Variants in SH3D21 observed in about 807,000 individuals in gnomAD.
The protein encoded by SH3D21 is manchette microtubule inner protein 1, also known as SH3 domain-containing protein 21.
SH3D21 carries 83 observed loss-of-function variants against 82.1 expected under a neutral mutation model. The ratio of observed to expected loss-of-function variants is 1.01; its 90% CI spans 0.85 to 1.21. The LOEUF (loss-of-function observed/expected upper bound fraction) is 1.21, where lower values mean the gene tolerates loss of function less well. Ranked by LOEUF, SH3D21 falls within the 50% of genes most tolerant of loss-of-function variation. The probability of loss-of-function intolerance (pLI) is 0.00; values close to 1 mark genes in which losing one functional copy is unlikely to be tolerated. For synonymous variants in SH3D21, 383 were observed against 387.8 expected, an observed-to-expected ratio of 0.99 and a Z score of 0.15; for missense variants, 980 against 962.1, an observed-to-expected ratio of 1.02 and a Z score of -0.25.
intron 11 of SH3D21, 35 bp from the exon 12 acceptor site, chr1:36,319,225 C>T: frequency 6.4e-7 from 1 of 1,551,350 alleles, no homozygotes; most frequent in Non-Finnish European, 8.7e-7. Flanking sequence ...CCTCCCTGTG[C>T]CCCACCCTGA....
In SH3D21 at chr1:36,320,769, G is replaced by C; in HGVS notation, c.2106G>C (p.Arg702Ser). The change falls in exon 14 of 16, where the codon AGG becomes AGC. Residue 702 changes from arginine (R) to serine (S), a missense_variant. By Grantham distance (110) the Arg-to-Ser change is moderately radical. Transcript: ENST00000453908. ...SLRGEVESLR[R>S]ALELMEVQLE... is the part of the protein sequence containing the mutation. ...GGGGCGAGGTGGAGTCTCTAAGGAG[G>C]GCGCTGGAGCTGATGGAGGTGCAGC... 2 of 1,584,826 alleles carry C rather than the reference G, an allele frequency of 1.3e-6. No individual in the cohort carries two copies. Among genetic ancestry groups the C allele is most frequent in the South Asian group, 2.3e-5 (2 of 88,144 alleles).
chr1:36,327,299 G>A (rs1000056539), downstream of SH3D21, among the ~76,000 whole-genome samples: 7 of 152,250 alleles, frequency 4.6e-5, no homozygotes, highest in African/African-American at 1.7e-4. Flanking sequence ...TGCACAGGTA[G>A]CTTATTTATG....
intron 9 of SH3D21, 97 bp from the exon 10 acceptor site, chr1:36,309,451 G>A: frequency 1.4e-6 from 2 of 1,392,430 alleles, no homozygotes; most frequent in Non-Finnish European, 2.0e-6. Flanking sequence ...CTCCCAAAGT[G>A]CTGGGATTAT....
At position 36,319,695 on chromosome 1, in the gene SH3D21, G is replaced by A. The variant is rs774718021; in HGVS notation, c.1032G>A (p.Pro344=). 3.3e-5 allele frequency: 53 copies of A among 1,590,646 alleles called. No individual in the cohort carries two copies. The highest frequency in any genetic ancestry group is 4.4e-5 in the Non-Finnish European group (51 of 1,169,678). ...GGCAGGAGGAAGAGCACAGCAGCCC[G>A]GTAAAGGCCCCCTCTGTGAAGAGAA... The part of the protein sequence containing the change: ...VSSQEEEHSS[P]VKAPSVKRTP... The change falls in exon 14 of 16, where the codon CCG becomes CCA. Residue 344 remains proline (P), a synonymous_variant. Transcript: ENST00000453908.
At chr1:36,313,179 C>T (rs1031994575) in intron 10 of SH3D21, among the ~76,000 whole-genome samples, 1 of 152,048 alleles carries the variant, frequency 6.6e-6, no homozygotes, top group African/African-American at 2.4e-5. Flanking sequence ...AAAAAATTAG[C>T]CAGGCATGGT....
At chr1:36,308,299 G>T in intron 8 of SH3D21, 90 bp downstream of exon 8, 1 of 1,485,104 alleles carries the variant, frequency 6.7e-7, no homozygotes, top group Non-Finnish European at 9.2e-7. Flanking sequence ...TAAAATAAAC[G>T]TTGAAATTAT....
At chr1:36,328,487 T>C (rs1646565514), downstream of SH3D21, 3 of 289,430 alleles carry the variant, frequency 1.0e-5, no homozygotes, top group Non-Finnish European at 2.1e-5. Context: ...TGGACAATCA[T>C]AGGCCCAGTG....
chr1:36,328,189 TG>T (rs1557495528), downstream of SH3D21: 1 of 453,590 alleles, frequency 2.2e-6, no homozygotes, highest in South Asian at 1.6e-5. Context: ...GATGGAAGGT[TG>T]GGGGGCCGAG....
Position 36,306,701 on chromosome 1 carries a change from G to T in SH3D21, c.108G>T (p.Trp36Cys), listed in dbSNP as rs1266260812. Residue 36 changes from tryptophan to cysteine, a missense_variant, in exon 2 of 16, where the codon TGG becomes TGT. Physicochemically the swap from Trp to Cys is radical, Grantham distance 215. Transcript: ENST00000453908. The surrounding 1 kb of genome is among the most constrained non-coding windows in gnomAD (Gnocchi z 4.5). ...TGCGCTGGGTGCCCGCGCGGGGCTG[G>T]CTTCGCGGAGAGTTTGGGGGCCGCT... ...RQVRWVPARG[W>C]LRGEFGGRYG... is the part of the protein sequence containing the mutation. The T allele has an allele frequency of 7.7e-7, 1 of 1,294,384 alleles. No individual in the cohort carries two copies. 80.2% of individuals were successfully genotyped at this position (1,294,384 alleles called of 1,614,324 possible).
intron 10 of SH3D21, among the ~76,000 whole-genome samples, chr1:36,315,262 C>T (rs953273399): frequency 2.0e-5 from 3 of 151,314 alleles, no homozygotes; most frequent in East Asian, 2.0e-4. Flanking sequence ...GGTGACAGAG[C>T]GAGACTCTGT....
rs1222958954 is a variant in SH3D21, at chr1:36,306,854, A to G, written c.175A>G (p.Thr59Ala). 6 of 1,296,902 alleles carry G rather than the reference A, an allele frequency of 4.6e-6. No individual in the cohort carries two copies. Among genetic ancestry groups the G allele is most frequent in the Non-Finnish European group, 6.1e-6 (6 of 991,712 alleles). 80.3% of individuals were successfully genotyped at this position (1,296,902 alleles called of 1,614,324 possible). A position where few individuals can be genotyped will look rare whatever the true frequency, so the allele number is the denominator to read the frequency against. ...CCCTGATTCCCAGGAGATCCCAGAG[A>G]CCCTGCGGGGCTCCGGAGAGGCGCG... ...PERLVQEIPETLRGSGEARRP... is the reference protein window; with the variant it reads ...PERLVQEIPEALRGSGEARRP... The change falls in exon 3 of 16, where the codon ACC (threonine) becomes GCC (alanine). Residue 59 changes from threonine to alanine, a missense_variant. Transcript: ENST00000453908. The surrounding 1 kb of genome is among the most constrained non-coding windows in gnomAD (Gnocchi z 4.5).
Position 36,307,579 on chromosome 1 carries a change from T to C in SH3D21, c.408T>C (p.Phe136=). 1 of 1,551,598 alleles carries C rather than the reference T, an allele frequency of 6.4e-7. No individual in the cohort carries two copies. The highest frequency in any genetic ancestry group is 8.7e-7 in the Non-Finnish European group (1 of 1,146,974). Residue 136 remains phenylalanine, a synonymous_variant, in exon 5 of 16, where the codon TTT becomes TTC. Coordinates refer to ENST00000453908, the MANE Select transcript of SH3D21 (RefSeq NM_001162530.2). This position sits in a 1 kb window ranked among gnomAD's most constrained non-coding sequence, Gnocchi z 5.4. ...NGQLGAFPSN[F]VELLDSGPPS... ...AGCTGGGAGCCTTCCCATCCAACTT[T>C]GTGGAATTGCTGGACAGTGGGCCCC...
chr1:36,309,405 C>T (rs1646193474), intron 9 of SH3D21, 143 bp from the exon 10 acceptor site: 2 of 872,374 alleles, frequency 2.3e-6, no homozygotes, highest in South Asian at 2.0e-5. Flanking sequence ...CCATGTTGGC[C>T]AAGCTGGTCT....
downstream of SH3D21, among the ~76,000 whole-genome samples, chr1:36,329,992 CTGTT>C (rs564700365): frequency 5.3e-5 from 8 of 152,132 alleles, no homozygotes; most frequent in Non-Finnish European, 8.8e-5. Context: ...CTTCCAGTAA[CTGTT>C]TGTCCAGAAG....
At chr1:36,323,188 T>A, downstream of SH3D21, 1 of 808,042 alleles carries the variant, frequency 1.2e-6, no homozygotes, top group Non-Finnish European at 1.8e-6. Context: ...AGCGCTTCCC[T>A]AACTTCGTGG....
At chr1:36,317,371 A>G (rs1048477521) in intron 10 of SH3D21, among the ~76,000 whole-genome samples, 5 of 152,112 alleles carry the variant, frequency 3.3e-5, no homozygotes, top group Non-Finnish European at 7.4e-5. Context: ...AGATTTGTGG[A>G]TTTGTATACG....
In SH3D21 at chr1:36,307,379, A is replaced by G. The variant is rs1646150133; in HGVS notation, c.345+94A>G. On this transcript the variant is annotated intron_variant, in intron 4 of 15. Coordinates refer to ENST00000453908, the MANE Select transcript of SH3D21 (RefSeq NM_001162530.2). This position sits in a 1 kb window ranked among gnomAD's most constrained non-coding sequence, Gnocchi z 5.4. ...GGAAGTGAGGGTGTGGACGGTGGGAATGGCGACGGTGCAGATACGGGGAAG... is the reference window on the plus strand; with the variant it reads ...GGAAGTGAGGGTGTGGACGGTGGGAGTGGCGACGGTGCAGATACGGGGAAG... 1.3e-6 allele frequency: 2 copies of G among 1,521,556 alleles called. No individual in the cohort carries two copies. The highest frequency in any genetic ancestry group is 2.0e-5 in the Admixed American group (1 of 50,314). 94.3% of individuals were successfully genotyped at this position (1,521,556 alleles called of 1,614,324 possible). A position where few individuals can be genotyped will look rare whatever the true frequency, so the allele number is the denominator to read the frequency against.
Position 36,307,659 on chromosome 1 carries a change from C to T in SH3D21, c.436+52C>T. ...GACTCGCAATCTCCAATGACCCTCC[C>T]AGTGGCATGAGCCTGTGATTCACAT... On this transcript the variant is annotated intron_variant, in intron 5 of 15. Transcript: ENST00000453908. The surrounding 1 kb of genome is among the most constrained non-coding windows in gnomAD (Gnocchi z 5.4). The T allele has an allele frequency of 6.5e-7, 1 of 1,544,500 alleles. No homozygotes were observed. The highest frequency in any genetic ancestry group is 1.2e-5 in the South Asian group (1 of 83,502).
intron 10 of SH3D21, among the ~76,000 whole-genome samples, chr1:36,317,038 C>G (rs563214119): frequency 6.6e-6 from 1 of 152,248 alleles, no homozygotes; most frequent in African/African-American, 2.4e-5. Flanking sequence ...AAAATTGTGT[C>G]CTCAGCAGGA....
Sources: gnomAD v4.1 joint callset for allele counts (sites outside exome capture counted in the v4.1 genomes callset) on GRCh38, gnomAD v4.1.1 for gene constraint, Gnocchi (gnomAD v3.1) non-coding constraint, MANE v1.5 for transcripts, NCBI Gene and HGNC (gene_info 2026-07-23, HGNC 2026-07-21) for gene names.